The following PTPRN2 variants were observed in gnomAD, a reference collection of about 807,000 sequenced individuals.
PTPRN2 encodes the protein protein tyrosine phosphatase receptor type N2.
In PTPRN2, 74 loss-of-function variants were observed where a neutral mutation model predicts 118.8. The ratio of observed to expected loss-of-function variants is 0.62; its 90% confidence interval spans 0.52 to 0.76. PTPRN2 has a LOEUF of 0.76. Among genes scored for constraint, PTPRN2 ranks in the 30% least tolerant of loss-of-function variants. The pLI is 0.00. For missense variants in PTPRN2, 1,481 were observed against 1,394.4 expected (o/e 1.06, Z -0.99); for synonymous variants, 641 against 608.0 (o/e 1.05, Z -0.80).
rs918124007 is a variant in PTPRN2 at position 158,432,274 on chromosome 7, A to G, written c.163+57461T>C. 3.2e-4 allele frequency among the ~76,000 whole-genome samples: 48 copies of G among 152,358 alleles called. 1 individual carries two copies. The highest frequency in any genetic ancestry group is 1.1e-3 in the African/African-American group (46 of 41,582). On this transcript the variant is annotated intron_variant, in intron 2 of 22. Transcript: ENST00000389418. ...ATGAGGAGCGGCGGGGCCTTGAGCC[A>G]GGGCGAAAGCACCGGGCGCTCCAGG...
intron 12 of PTPRN2, among the ~76,000 whole-genome samples, chr7:157,797,115 C>T (rs533877065): frequency 3.3e-5 from 5 of 152,204 alleles, no homozygotes; most frequent in Non-Finnish European, 5.9e-5. Flanking sequence ...GCCCTCAACA[C>T]GGCCCACGGC....
intron 2 of PTPRN2, among the ~76,000 whole-genome samples, chr7:158,447,219 C>A (rs536300418): frequency 1.3e-5 from 2 of 152,288 alleles, no homozygotes; most frequent in Admixed American, 6.5e-5. Context: ...GCTCCCCAGA[C>A]AACACTCGGT....
chr7:158,446,765 C>G (rs1229244827), intron 2 of PTPRN2, among the ~76,000 whole-genome samples: 1 of 152,202 alleles, frequency 6.6e-6, no homozygotes, highest in African/African-American at 2.4e-5. Flanking sequence ...GAAGCCCAGC[C>G]CCATGGCAGC....
chr7:157,885,654 G>A (rs2151295070), intron 12 of PTPRN2, among the ~76,000 whole-genome samples: 1 of 152,348 alleles, frequency 6.6e-6, no homozygotes, highest in African/African-American at 2.4e-5. Context: ...CATGAACTCT[G>A]CCAGGTAAAA....
At chr7:158,535,597 T>C (rs912197903) in intron 1 of PTPRN2, among the ~76,000 whole-genome samples, 7 of 152,118 alleles carry the variant, frequency 4.6e-5, no homozygotes, top group Non-Finnish European at 1.0e-4. Flanking sequence ...TGAGGACTTC[T>C]TGTAGCATTC....
chr7:157,657,614 A>C (rs1254779913), intron 13 of PTPRN2, among the ~76,000 whole-genome samples: 2 of 89,964 alleles, frequency 2.2e-5, no homozygotes, highest in African/African-American at 8.0e-5. Flanking sequence ...CACACACATC[A>C]CACATATACA....
intron 2 of PTPRN2, among the ~76,000 whole-genome samples, chr7:158,400,325 A>G (rs1428139483): frequency 6.6e-6 from 1 of 151,990 alleles, no homozygotes; most frequent in Non-Finnish European, 1.5e-5. Context: ...ATGCTGTCCC[A>G]TCTCCCCCAC....
chr7:158,330,819 C>T (rs375751351), intron 2 of PTPRN2, among the ~76,000 whole-genome samples: 3,897 of 30,400 alleles, frequency 0.13, 97 homozygotes, highest in Middle Eastern at 0.17. Context: ...AGCTGACACC[C>T]GCAGACGTCA....
chr7:157,962,132 G>T (rs191095621), intron 11 of PTPRN2, among the ~76,000 whole-genome samples: 260 of 152,376 alleles, frequency 1.7e-3, no homozygotes, highest in African/African-American at 6.2e-3. Context: ...AAGAAAGTGG[G>T]TCATTTTCTA....
intron 2 of PTPRN2, among the ~76,000 whole-genome samples, chr7:158,405,835 T>C (rs1394238576): frequency 1.4e-5 from 2 of 147,482 alleles, no homozygotes; most frequent in African/African-American, 2.5e-5. Flanking sequence ...GTGAGACATG[T>C]GGCCACACAC....
At chr7:158,553,258 A>G (rs1430649052) in intron 1 of PTPRN2, among the ~76,000 whole-genome samples, 1 of 150,360 alleles carries the variant, frequency 6.7e-6, no homozygotes, top group African/African-American at 2.5e-5. Context: ...GCATATACAC[A>G]GGCTTGGGAG....
chr7:157,828,778 G>A (rs960478639), intron 12 of PTPRN2, among the ~76,000 whole-genome samples: 2 of 152,198 alleles, frequency 1.3e-5, no homozygotes, highest in Admixed American at 6.5e-5. Flanking sequence ...CTGTGTTGCC[G>A]ACTCCCGAAA....
At chr7:158,092,265 T>C (rs1814251096) in intron 10 of PTPRN2, among the ~76,000 whole-genome samples, 1 of 145,842 alleles carries the variant, frequency 6.9e-6, no homozygotes, top group East Asian at 2.0e-4. Flanking sequence ...TGTGCATATA[T>C]ATACATATAT....
chr7:157,579,132 C>T (rs1416232344), intron 17 of PTPRN2, among the ~76,000 whole-genome samples: 3 of 152,172 alleles, frequency 2.0e-5, no homozygotes, highest in South Asian at 2.1e-4. Context: ...CTGAATTCCA[C>T]ATTTATATTT....
At chr7:157,927,293 G>C (rs35438443) in intron 11 of PTPRN2, among the ~76,000 whole-genome samples, 3 of 51,268 alleles carry the variant, frequency 5.9e-5, no homozygotes, top group African/African-American at 9.2e-5. Flanking sequence ...ACCCGTCTGA[G>C]AGCAGAGACC....
chr7:157,814,427 A>G (rs2151124416), intron 12 of PTPRN2, among the ~76,000 whole-genome samples: 1 of 151,104 alleles, frequency 6.6e-6, no homozygotes, highest in Admixed American at 6.6e-5. Flanking sequence ...GGCGCTCGAC[A>G]TGGGGCAGGA....
At chr7:158,323,989 ACACT>A (rs1803253825) in intron 2 of PTPRN2, among the ~76,000 whole-genome samples, 1 of 152,098 alleles carries the variant, frequency 6.6e-6, no homozygotes, top group Non-Finnish European at 1.5e-5. Flanking sequence ...AAGTGTGCAC[ACACT>A]CATTTGCATG....
At chr7:157,867,655 G>A (rs1810793704) in intron 12 of PTPRN2, among the ~76,000 whole-genome samples, 1 of 152,160 alleles carries the variant, frequency 6.6e-6, no homozygotes, top group East Asian at 1.9e-4. Context: ...TGACACCAGA[G>A]GCAAAAAGAG....
At chr7:157,602,676 C>T (rs921561786) in intron 16 of PTPRN2, among the ~76,000 whole-genome samples, 12 of 151,442 alleles carry the variant, frequency 7.9e-5, no homozygotes, top group Admixed American at 7.9e-4. Context: ...TGAGCACCGT[C>T]CGTCATCAGT....
Sources: gnomAD v4.1 joint callset for allele counts (sites outside exome capture counted in the v4.1 genomes callset) on GRCh38, gnomAD v4.1.1 for gene constraint, MANE v1.5 for transcripts, NCBI Gene and HGNC (gene_info 2026-07-23, HGNC 2026-07-21) for gene names.